Variants in FADS6 observed in about 807,000 individuals in gnomAD.
FADS6 encodes the protein fatty acid desaturase 6.
In FADS6, 28 loss-of-function variants were observed where a neutral mutation model predicts 31.7. The ratio of observed to expected loss-of-function variants is 0.88; its 90% CI spans 0.66 to 1.21. The LOEUF (loss-of-function observed/expected upper bound fraction) is 1.21, where lower values mean the gene tolerates loss of function less well. FADS6 is among the 50% of genes most tolerant of loss of function. The probability of loss-of-function intolerance (pLI) is 0.00; values close to 1 mark genes in which losing one functional copy is unlikely to be tolerated. For synonymous variants in FADS6, 191 were observed against 213.1 expected (o/e 0.90, Z 0.90); for missense variants, 494 against 504.2 (o/e 0.98, Z 0.19).
intron 2 of FADS6, chr17:74,882,927 C>G (rs759102187): frequency 4.5e-6 from 6 of 1,319,224 alleles, no homozygotes; most frequent in Non-Finnish European, 6.1e-6. Context: ...GTCCGTTTGA[C>G]GAGGCTCTGC....
chr17:74,892,770 G>T, intron 1 of FADS6, 81 bp from the exon 2 acceptor site: 2 of 1,397,878 alleles, frequency 1.4e-6, no homozygotes, highest in Non-Finnish European at 1.9e-6. Context: ...CTTACCCTGG[G>T]AGCCCAGGCT....
Position 74,877,711 on chromosome 17 carries a change from A to G in FADS6, c.*620T>C. 1 of 985,490 alleles carries G rather than the reference A, an allele frequency of 1.0e-6. No individual in the cohort carries two copies. Among genetic ancestry groups the G allele is most frequent in the Non-Finnish European group, 1.2e-6 (1 of 830,036 alleles). The allele number at this position is 985,490 out of a possible 1,614,324, so 61.0% of individuals were successfully genotyped here. A position where few individuals can be genotyped will look rare whatever the true frequency, so the allele number is the denominator to read the frequency against. ...TTCCCCTGGAGTTCCCTCCCGACAA[A>G]ACACACTCACTTTTATCTTGCTGAT... On this transcript the variant is annotated 3_prime_UTR_variant, in exon 6 of 6. Transcript: ENST00000612771.
At chr17:74,892,439 G>T (rs2038698458) in intron 2 of FADS6, 84 bp downstream of exon 2, 2 of 1,496,500 alleles carry the variant, frequency 1.3e-6, no homozygotes, top group African/African-American at 2.8e-5. Flanking sequence ...ATGCACAGCT[G>T]GACACACCCG....
At chr17:74,884,929 G>A (rs547196367) in intron 2 of FADS6, among the ~76,000 whole-genome samples, 2 of 152,074 alleles carry the variant, frequency 1.3e-5, no homozygotes, top group African/African-American at 4.8e-5. Context: ...GACTGGTCTC[G>A]AACTCCTGAA....
rs755628485 is a variant in FADS6 at position 74,882,724 on chromosome 17, C to A, written c.412-14G>T. ...GGCTGTGCACACCTAGAGGAGGGAA[C>A]CAGAAATGACACTGGGGTCCCTGTC... On this transcript the variant is annotated splice_polypyrimidine_tract_variant and intron_variant, in intron 2 of 5. Coordinates refer to ENST00000612771, the MANE Select transcript of FADS6 (RefSeq NM_178128.6). 15 of 1,603,056 alleles carry A rather than the reference C, an allele frequency of 9.4e-6. No homozygotes were observed. The highest frequency in any genetic ancestry group is 4.5e-5 in the South Asian group (4 of 88,968).
chr17:74,883,535 C>T (rs942999667), intron 2 of FADS6, among the ~76,000 whole-genome samples: 2 of 152,240 alleles, frequency 1.3e-5, no homozygotes, highest in African/African-American at 4.8e-5. Context: ...GGAACACCCC[C>T]GCAGAGGGCT....
chr17:74,893,277 C>T, intron 1 of FADS6, 75 bp downstream of exon 1: 4 of 1,421,622 alleles, frequency 2.8e-6, no homozygotes, highest in Non-Finnish European at 3.7e-6. Context: ...TGTTGCAGAC[C>T]CCGCGCCGCC....
intron 3 of FADS6, 33 bp from the exon 4 acceptor site, chr17:74,881,288 G>C (rs1475428585): frequency 6.4e-7 from 1 of 1,551,600 alleles, no homozygotes; most frequent in Non-Finnish European, 8.7e-7. Context: ...GCAAGGCTCA[G>C]ATCCATCAGG....
At position 74,877,951 on chromosome 17, in the gene FADS6, C is replaced by T. The variant is rs1567923555; in HGVS notation, c.*380G>A. 2.0e-6 allele frequency: 2 copies of T among 1,006,068 alleles called. No homozygotes were observed. The highest frequency in any genetic ancestry group is 1.0e-4 in the East Asian group (1 of 9,832). 62.3% of individuals were successfully genotyped at this position (1,006,068 alleles called of 1,614,324 possible). On this transcript the variant is annotated 3_prime_UTR_variant, in exon 6 of 6. Transcript: ENST00000612771. ...GGGAGCTGACCCTGTTCTCTCTGTG[C>T]CCCCTGCTATCTCCCAGGTGGCCCC...
In FADS6 at chr17:74,883,309, C is replaced by A. The variant is rs535347387; in HGVS notation, c.412-599G>T. ...AAGCCGCTCTGAGCAGCAGCACGTG[C>A]GCTCTGACTCCTAGGAGAGTAGTCA... On this transcript the variant is annotated intron_variant, in intron 2 of 5. Transcript: ENST00000612771. 4.6e-5 allele frequency among the ~76,000 whole-genome samples: 7 copies of A among 152,318 alleles called. No homozygotes were observed. In the South Asian group the frequency reaches 1.4e-3, roughly 32 times the overall value.
chr17:74,878,170 C>T lies in FADS6; in HGVS notation c.*161G>A. On this transcript the variant is annotated 3_prime_UTR_variant, in exon 6 of 6. Transcript: ENST00000612771. ...AGAAAAGCACGCAAGGCAGGTGGCC[C>T]CCAGACCCCAGGCCTGAGCTCCCCT... 1.4e-6 allele frequency: 2 copies of T among 1,428,008 alleles called. No individual in the cohort carries two copies. The highest frequency in any genetic ancestry group is 9.1e-7 in the Non-Finnish European group (1 of 1,096,870). The allele number at this position is 1,428,008 out of a possible 1,614,324, so 88.5% of individuals were successfully genotyped here.
At position 74,877,646 on chromosome 17, in the gene FADS6, C is replaced by G; in HGVS notation, c.*685G>C. 1.0e-6 allele frequency: 1 copy of G among 978,884 alleles called. No homozygotes were observed. 60.6% of individuals were successfully genotyped at this position (978,884 alleles called of 1,614,324 possible). On this transcript the variant is annotated 3_prime_UTR_variant, in exon 6 of 6. Coordinates refer to ENST00000612771, the MANE Select transcript of FADS6 (RefSeq NM_178128.6). ...CCGCCCCTGGCTGGCTATTTATACT[C>G]TTTCCCTAACTCTGTCCCTGGGGAA...
intron 4 of FADS6, 36 bp from the exon 5 acceptor site, chr17:74,879,619 G>T: frequency 6.3e-7 from 1 of 1,587,962 alleles, no homozygotes; most frequent in South Asian, 1.1e-5. Flanking sequence ...GGGCAGCCTG[G>T]ACCTCCCCAC....
chr17:74,892,815 G>T (rs2038706140), intron 1 of FADS6, 126 bp from the exon 2 acceptor site: 1 of 946,728 alleles, frequency 1.1e-6, no homozygotes, highest in Non-Finnish European at 1.5e-6. Context: ...GCCACTGGCC[G>T]GAGTGAGGCA....
intron 5 of FADS6, 78 bp downstream of exon 5, chr17:74,879,326 C>G: frequency 1.3e-6 from 2 of 1,538,010 alleles, no homozygotes; most frequent in Non-Finnish European, 1.8e-6. Flanking sequence ...GTGAGCAACG[C>G]CCCCAGGCCG....
downstream of FADS6, among the ~76,000 whole-genome samples, chr17:74,876,443 G>A (rs1001783717): frequency 6.6e-6 from 1 of 152,082 alleles, no homozygotes; most frequent in Admixed American, 6.6e-5. Flanking sequence ...AGCCAGTGAC[G>A]CTGCTAAACA....
Position 74,890,978 on chromosome 17 carries a change from G to A in FADS6, c.411+1545C>T, listed in dbSNP as rs111831275. Among the ~76,000 whole-genome samples the A allele has an allele frequency of 4.2e-4, 64 of 152,190 alleles. 1 individual carries two copies. Among genetic ancestry groups the A allele is most frequent in the African/African-American group, 1.4e-3 (60 of 41,506 alleles). On this transcript the variant is annotated intron_variant, in intron 2 of 5. Transcript: ENST00000612771. ...CCTCCAGATCATTCTGCTACACACC[G>A]AAGTTTGAGAACCACTAGGTTACCT... is the stretch of plus-strand genomic sequence containing the variant.
chr17:74,887,447 GCT>G (rs1249793039), intron 2 of FADS6, among the ~76,000 whole-genome samples: 8 of 152,144 alleles, frequency 5.3e-5, no homozygotes, highest in Admixed American at 5.2e-4. Context: ...CCCACCCTGA[GCT>G]CTCAGAGCTT....
chr17:74,884,000 A>G (rs1306204699), intron 2 of FADS6, among the ~76,000 whole-genome samples: 1 of 152,168 alleles, frequency 6.6e-6, no homozygotes. Flanking sequence ...GTTTGTTCAC[A>G]TAAGCATTGT....
Sources: allele counts gnomAD v4.1 joint callset (sites outside exome capture counted in the v4.1 genomes callset), GRCh38; gene constraint gnomAD v4.1.1; transcripts MANE v1.5; gene names NCBI Gene and HGNC (gene_info 2026-07-23, HGNC 2026-07-21).